RPS9: variants seen among roughly 807,000 people sequenced by gnomAD.
The protein encoded by RPS9 is small ribosomal subunit protein uS4.
Under a neutral mutation model 16.9 loss-of-function variants are expected in RPS9, and 1 was observed. That is an observed-to-expected ratio of 0.06 (90% CI 0.02 to 0.28). The LOEUF (loss-of-function observed/expected upper bound fraction) is 0.28. Ranked by LOEUF, RPS9 falls within the 10% of genes least tolerant of loss-of-function variation. RPS9 has a pLI of 1.00. For missense variants in RPS9, 137 were observed against 273.2 expected (o/e 0.50, Z 3.51); for synonymous variants, 106 against 110.9 (o/e 0.96, Z 0.28).
At chr19:54,203,729 G>A (rs1410617003) in intron 3 of RPS9, among the ~76,000 whole-genome samples, 4 of 151,748 alleles carry the variant, frequency 2.6e-5, no homozygotes, top group African/African-American at 7.3e-5. Flanking sequence ...CGAGATCCGC[G>A]GCACTGCACT....
chr19:54,204,289 C>T lies in RPS9; in HGVS notation c.221-1987C>T, dbSNP rs191239077. Among the ~76,000 whole-genome samples, 109 of 152,220 alleles carry T rather than the reference C, an allele frequency of 7.2e-4. No individual in the cohort carries two copies. The Middle Eastern group carries it at 0.01, about 14-fold the overall frequency. On this transcript the variant is annotated intron_variant, in intron 3 of 4. Transcript: ENST00000302907. ...ATCCCAGGCTGAGGCAGGAGAATCC[C>T]AGGAGGCGGAGTTTGCAGTGAGCCG... is the stretch of plus-strand genomic sequence containing the variant.
chr19:54,201,043 G>C lies in RPS9; in HGVS notation c.-25-117G>C, dbSNP rs949974933. 7.4e-6 allele frequency: 11 copies of C among 1,488,868 alleles called. No individual in the cohort carries two copies. The African/African-American group carries it at 1.3e-4, about 17-fold the overall frequency. 92.2% of individuals were successfully genotyped at this position (1,488,868 alleles called of 1,614,324 possible). A position where few individuals can be genotyped will look rare whatever the true frequency, so the allele number is the denominator to read the frequency against. On this transcript the variant is annotated intron_variant, in intron 1 of 4. Transcript: ENST00000302907. ...TTGTGGGGGCAGATACTGACTATGAGAGCGTTGGAGGTTATTCTCGCGAGA... is the reference window on the plus strand; with the variant it reads ...TTGTGGGGGCAGATACTGACTATGACAGCGTTGGAGGTTATTCTCGCGAGA...
Position 54,207,524 on chromosome 19 carries a change from CAAG to C in RPS9, c.538_540del (p.Lys180del), listed in dbSNP as rs964666279. On this transcript the variant is annotated inframe_deletion, in exon 5 of 5. Coordinates refer to ENST00000302907, the MANE Select transcript of RPS9 (RefSeq NM_001013.4). ...CGGGCCGCGTGAAGAGGAAGAATGCCAAGAAGGGCCAGGGTGGGGCTGGGGCTG... is the reference window on the plus strand; with the variant it reads ...CGGGCCGCGTGAAGAGGAAGAATGCCAAGGGCCAGGGTGGGGCTGGGGCTG... 1 of 1,612,720 alleles carries C rather than the reference CAAG, an allele frequency of 6.2e-7. No individual in the cohort carries two copies. The highest frequency in any genetic ancestry group is 2.2e-5 in the East Asian group (1 of 44,876).
intron 4 of RPS9, chr19:54,206,741 TC>T: frequency 6.8e-7 from 1 of 1,465,238 alleles, no homozygotes; most frequent in East Asian, 2.5e-5. Context: ...GCTCTTGGTG[TC>T]CCCAGTGGAG....
intron 3 of RPS9, among the ~76,000 whole-genome samples, chr19:54,205,672 G>T (rs1033628800): frequency 6.6e-6 from 1 of 152,108 alleles, no homozygotes; most frequent in Non-Finnish European, 1.5e-5. Flanking sequence ...CTGAGTCCTT[G>T]TAAGGAGGTG....
chr19:54,203,042 T>G (rs1600750532), intron 3 of RPS9: 3 of 985,312 alleles, frequency 3.0e-6, no homozygotes. Flanking sequence ...GATAATCTCA[T>G]GAAAGTGCTG....
chr19:54,207,489 G>C lies in RPS9; in HGVS notation c.499G>C (p.Gly167Arg). The change falls in exon 5 of 5, where the codon GGT becomes CGT. Residue 167 changes from glycine (G) to arginine (R), a missense_variant. This residue lies in a region of RPS9 where 54 missense variants were observed against 90.9 expected (regional missense o/e 0.59). Coordinates refer to ENST00000302907, the MANE Select transcript of RPS9 (RefSeq NM_001013.4). Reference sequence around the variant, plus strand: ...CTTCTCTCTGCGCTCTCCCTACGGGGGTGGCCGCCCGGGCCGCGTGAAGAG... The same window carrying C: ...CTTCTCTCTGCGCTCTCCCTACGGGCGTGGCCGCCCGGGCCGCGTGAAGAG... ...IDFSLRSPYG[G>R]GRPGRVKRKN... 1 of 1,613,424 alleles carries C rather than the reference G, an allele frequency of 6.2e-7. No individual in the cohort carries two copies. The highest frequency in any genetic ancestry group is 1.1e-5 in the South Asian group (1 of 91,044).
At chr19:54,206,673 C>G in intron 4 of RPS9, 3 of 1,543,088 alleles carry the variant, frequency 1.9e-6, no homozygotes. Context: ...CACTGCGGCT[C>G]TAGCCGTACA....
Position 54,205,363 on chromosome 19 carries a change from T to C in RPS9, c.221-913T>C, listed in dbSNP as rs57206966. 9.9e-3 allele frequency among the ~76,000 whole-genome samples: 1,502 copies of C among 151,468 alleles called. 23 individuals carry two copies. Among genetic ancestry groups the C allele is most frequent in the African/African-American group, 0.029 (1,211 of 41,200 alleles). The stretch of plus-strand genomic sequence containing the variant: ...GAAGAAAGGTGTAGTAGGGCATCTG[T>C]TGGATATTTTATGCAGTGCATTGTT... On this transcript the variant is annotated intron_variant, in intron 3 of 4. Transcript: ENST00000302907.
At chr19:54,205,973 G>A (rs962745209) in intron 3 of RPS9, among the ~76,000 whole-genome samples, 6 of 152,126 alleles carry the variant, frequency 3.9e-5, no homozygotes, top group African/African-American at 1.2e-4. Context: ...GTGCGCCAAC[G>A]GCCTGGCTAA....
At chr19:54,207,181 TG>T in intron 4 of RPS9, 1 of 541,984 alleles carries the variant, frequency 1.8e-6, no homozygotes, top group Non-Finnish European at 3.2e-6. Context: ...TCCTATAAAA[TG>T]GGGTTGAGAA....
intron 4 of RPS9, chr19:54,206,745 C>T (rs1297133150): frequency 6.8e-7 from 1 of 1,461,332 alleles, no homozygotes; most frequent in Non-Finnish European, 9.0e-7. Flanking sequence ...TTGGTGTCCC[C>T]AGTGGAGGGA....
intron 3 of RPS9, among the ~76,000 whole-genome samples, chr19:54,204,778 G>A (rs3844452): frequency 0.79 from 120,464 of 152,044 alleles, 48,900 homozygotes; most frequent in African/African-American, 0.95. Flanking sequence ...GAGGTAAATG[G>A]TCCCAAACTC....
chr19:54,201,255 G>A lies in RPS9; in HGVS notation c.71G>A (p.Arg24His), dbSNP rs1355751609. 2 of 1,613,076 alleles carry A rather than the reference G, an allele frequency of 1.2e-6. No individual in the cohort carries two copies. The highest frequency in any genetic ancestry group is 1.1e-5 in the South Asian group (1 of 91,076). Residue 24 changes from arginine to histidine, a missense_variant, in exon 2 of 5, where the codon CGT (arginine) becomes CAT (histidine). Physicochemically the swap from Arg to His is conservative, Grantham distance 29. This residue lies in a region of RPS9 where 64 missense variants were observed against 164.0 expected (regional missense o/e 0.39). Transcript: ENST00000302907. ...VTPRRPFEKS[R>H]LDQELKLIGE... ...CCGCGGAGACCCTTCGAGAAATCTC[G>A]TCTCGACCAAGAGCTGAAGCTGATC...
intron 3 of RPS9, chr19:54,203,246 A>G: frequency 1.0e-6 from 1 of 984,432 alleles, no homozygotes; most frequent in Non-Finnish European, 1.2e-6. Flanking sequence ...GGCAGAAGTG[A>G]AAATTCCCAA....
intron 4 of RPS9, chr19:54,206,675 A>G: frequency 1.3e-6 from 2 of 1,538,174 alleles, no homozygotes; most frequent in Non-Finnish European, 8.8e-7. Context: ...CTGCGGCTCT[A>G]GCCGTACACC....
intron 4 of RPS9, chr19:54,206,955 C>G (rs1041344826): frequency 2.7e-5 from 13 of 474,954 alleles, no homozygotes; most frequent in Non-Finnish European, 4.2e-5. Flanking sequence ...CAGCCCTTCA[C>G]TAACCCTGTG....
intron 3 of RPS9, chr19:54,203,381 G>T (rs765654618): frequency 3.6e-5 from 30 of 834,610 alleles, no homozygotes; most frequent in Non-Finnish European, 4.2e-5. Context: ...TTCAGATCCT[G>T]CCTTTCCCAC....
At position 54,206,400 on chromosome 19, in the gene RPS9, C is replaced by T; in HGVS notation, c.345C>T (p.Phe115=). The T allele has an allele frequency of 6.2e-7, 1 of 1,614,262 alleles. No homozygotes were observed. The highest frequency in any genetic ancestry group is 8.5e-7 in the Non-Finnish European group (1 of 1,180,050). The change falls in exon 4 of 5, where the codon TTC becomes TTT. Residue 115 remains phenylalanine, a synonymous_variant. Coordinates refer to ENST00000302907, the MANE Select transcript of RPS9 (RefSeq NM_001013.4). ...FLERRLQTQV[F]KLGLAKSIHH... ...AGAGACGCCTGCAGACCCAGGTCTTCAAGCTGGGCTTGGCCAAGTCCATCC... is the reference window on the plus strand; with the variant it reads ...AGAGACGCCTGCAGACCCAGGTCTTTAAGCTGGGCTTGGCCAAGTCCATCC...
Sources: gnomAD v4.1 joint callset for allele counts (sites outside exome capture counted in the v4.1 genomes callset) on GRCh38, gnomAD v4.1.1 for gene constraint, gnomAD v4.1.1 regional missense constraint, MANE v1.5 for transcripts, NCBI Gene and HGNC (gene_info 2026-07-23, HGNC 2026-07-21) for gene names.